CDYL2: variants seen among roughly 807,000 people sequenced by gnomAD.
CDYL2 encodes chromodomain Y-like protein 2.
CDYL2 carries 23 observed loss-of-function variants against 49.4 expected under a neutral mutation model. The observed-to-expected ratio is 0.47, with a 90% CI of 0.34 to 0.66. CDYL2 has a LOEUF of 0.66. Ranked by LOEUF, CDYL2 falls within the 30% of genes least tolerant of loss-of-function variation. The probability of loss-of-function intolerance (pLI) is 0.01; values close to 1 mark genes in which losing one functional copy is unlikely to be tolerated. For synonymous variants in CDYL2, 360 were observed against 268.8 expected (o/e 1.34, Z -3.32); for missense variants, 678 against 656.4 (o/e 1.03, Z -0.36).
intron 1 of CDYL2, among the ~76,000 whole-genome samples, chr16:80,744,115 C>G (rs534542329): frequency 1.3e-5 from 2 of 152,140 alleles, no homozygotes; most frequent in Non-Finnish European, 2.9e-5. Context: ...AACTGAAGCA[C>G]AGAGAAGTTA....
chr16:80,736,037 G>C (rs1339691544), intron 1 of CDYL2, among the ~76,000 whole-genome samples: 1 of 152,194 alleles, frequency 6.6e-6, no homozygotes, highest in Non-Finnish European at 1.5e-5. Context: ...TTCCCAGCTT[G>C]TCCTCAGTAA....
Position 80,706,902 on chromosome 16 carries a change from G to A in CDYL2, c.25-21773C>T, listed in dbSNP as rs189857317. ...TGGCTCTTCAGTTACACGGCCAACT[G>A]ACTCAGGTCAATCACACCTACAGAC... On this transcript the variant is annotated intron_variant, in intron 1 of 6. Coordinates refer to ENST00000570137, the MANE Select transcript of CDYL2 (RefSeq NM_152342.4). Among the ~76,000 whole-genome samples, 197 of 152,288 alleles carry A rather than the reference G, an allele frequency of 1.3e-3. 1 individual carries two copies. Among genetic ancestry groups the A allele is most frequent in the African/African-American group, 4.5e-3 (189 of 41,582 alleles).
chr16:80,746,874 T>TA (rs1905951109), intron 1 of CDYL2, among the ~76,000 whole-genome samples: 1 of 152,170 alleles, frequency 6.6e-6, no homozygotes, highest in Admixed American at 6.5e-5. Flanking sequence ...AGACTTCACT[T>TA]AAAGTCCAGA....
chr16:80,633,258 T>C (rs754886867), intron 2 of CDYL2, 22 bp from the exon 3 acceptor site: 4 of 1,601,572 alleles, frequency 2.5e-6, no homozygotes, highest in Non-Finnish European at 1.7e-6. Flanking sequence ...AGATAAACAA[T>C]GTAAGAAACT....
At chr16:80,711,776 C>G (rs1175155466) in intron 1 of CDYL2, among the ~76,000 whole-genome samples, 1 of 152,094 alleles carries the variant, frequency 6.6e-6, no homozygotes, top group Non-Finnish European at 1.5e-5. Flanking sequence ...CATAGTGTTT[C>G]AAGGGACACT....
At chr16:80,705,757 A>C (rs541503871) in intron 1 of CDYL2, among the ~76,000 whole-genome samples, 21 of 152,280 alleles carry the variant, frequency 1.4e-4, no homozygotes, top group Non-Finnish European at 2.1e-4. Context: ...ACACAGCCAC[A>C]GACAATACAT....
At chr16:80,798,897 T>C (rs1456262181) in intron 1 of CDYL2, among the ~76,000 whole-genome samples, 2 of 152,172 alleles carry the variant, frequency 1.3e-5, no homozygotes, top group East Asian at 3.8e-4. Context: ...AGATGTCCGA[T>C]AACAGGGGAT....
chr16:80,761,676 T>TGAAAGCCCTA (rs144259017), intron 1 of CDYL2, among the ~76,000 whole-genome samples: 3,514 of 152,166 alleles, frequency 0.023, 102 homozygotes, highest in African/African-American at 0.072. Flanking sequence ...GACTTAGATG[T>TGAAAGCCCTA]GAAAGCCCTA....
intron 1 of CDYL2, among the ~76,000 whole-genome samples, chr16:80,754,022 A>G (rs1216413415): frequency 6.6e-6 from 1 of 152,220 alleles, no homozygotes; most frequent in Non-Finnish European, 1.5e-5. Flanking sequence ...TACTGTACAT[A>G]AGGCCCTATG....
In CDYL2 at chr16:80,643,089, T is replaced by C. The variant is rs559799134; in HGVS notation, c.617-9853A>G. Among the ~76,000 whole-genome samples, 4 of 152,280 alleles carry C rather than the reference T, an allele frequency of 2.6e-5. No individual in the cohort carries two copies. The South Asian group carries it at 8.3e-4, about 32-fold the overall frequency. ...GTAAAATCAAAAGCAAGCTAGTTACTTCCCAGACACAAGGGGGGTACAGGT... is the reference window on the plus strand; with the variant it reads ...GTAAAATCAAAAGCAAGCTAGTTACCTCCCAGACACAAGGGGGGTACAGGT... On this transcript the variant is annotated intron_variant, in intron 2 of 6. Coordinates refer to ENST00000570137, the MANE Select transcript of CDYL2 (RefSeq NM_152342.4).
At chr16:80,742,709 G>C (rs1905786526) in intron 1 of CDYL2, among the ~76,000 whole-genome samples, 1 of 151,674 alleles carries the variant, frequency 6.6e-6, no homozygotes, top group South Asian at 2.1e-4. Context: ...TGGATGAAGA[G>C]ATGTATGGAT....
chr16:80,618,001 T>C (rs900374713), intron 4 of CDYL2, among the ~76,000 whole-genome samples: 2 of 152,186 alleles, frequency 1.3e-5, no homozygotes, highest in Admixed American at 6.5e-5. Context: ...GTCTTGGGAA[T>C]GCTCCCTTGG....
chr16:80,804,490 CGCGACCCG>C lies in CDYL2; in HGVS notation c.-325_-318del, dbSNP rs974514962. Reference sequence around the variant, plus strand: ...GACGCGGCCCGAGCGCCGCGGCCCCCGCGACCCGGCGACCCGGCGGCGGTGGCTGCAGC... The same window carrying C: ...GACGCGGCCCGAGCGCCGCGGCCCCCGCGACCCGGCGGCGGTGGCTGCAGC... On this transcript the variant is annotated 5_prime_UTR_variant, in exon 1 of 7. Transcript: ENST00000570137. 1.4e-5 allele frequency among the ~76,000 whole-genome samples: 2 copies of C among 144,598 alleles called. No individual in the cohort carries two copies. The highest frequency in any genetic ancestry group is 6.8e-5 in the Admixed American group (1 of 14,640). The allele number at this position is 144,598 out of a possible 152,430, so 94.9% of individuals were successfully genotyped here. A position where few individuals can be genotyped will look rare whatever the true frequency, so the allele number is the denominator to read the frequency against.
chr16:80,635,262 C>G (rs13335334), intron 2 of CDYL2, among the ~76,000 whole-genome samples: 8,907 of 152,084 alleles, frequency 0.059, 786 homozygotes, highest in African/African-American at 0.2. Context: ...TAGAAAGGGA[C>G]TTCCTAGTCC....
chr16:80,620,670 T>C (rs1907038720), intron 4 of CDYL2, 93 bp downstream of exon 4: 2 of 1,194,992 alleles, frequency 1.7e-6, no homozygotes, highest in Admixed American at 5.9e-5. Context: ...AAATTCCTGG[T>C]TGTTTGAAAT....
At chr16:80,721,612 G>A (rs751084510) in intron 1 of CDYL2, among the ~76,000 whole-genome samples, 1 of 152,142 alleles carries the variant, frequency 6.6e-6, no homozygotes, top group East Asian at 1.9e-4. Flanking sequence ...TTTATATCTA[G>A]CACGTGATCC....
At chr16:80,731,516 C>G (rs767925329) in intron 1 of CDYL2, among the ~76,000 whole-genome samples, 1 of 151,950 alleles carries the variant, frequency 6.6e-6, no homozygotes, top group Non-Finnish European at 1.5e-5. Context: ...ACACAATGAC[C>G]AAAAATAGGC....
chr16:80,650,189 G>A (rs569453542), intron 2 of CDYL2, among the ~76,000 whole-genome samples: 2 of 152,294 alleles, frequency 1.3e-5, no homozygotes, highest in South Asian at 4.1e-4. Flanking sequence ...ACAAGCCACA[G>A]AATGGGAGAA....
At chr16:80,708,866 TTATTATAAAG>T (rs1458493607) in intron 1 of CDYL2, among the ~76,000 whole-genome samples, 3 of 152,212 alleles carry the variant, frequency 2.0e-5, no homozygotes, top group African/African-American at 4.8e-5. Flanking sequence ...GATGAAATCT[TTATTATAAAG>T]TTGCTGCAAT....
Sources: gnomAD v4.1 joint callset for allele counts (sites outside exome capture counted in the v4.1 genomes callset) on GRCh38, gnomAD v4.1.1 for gene constraint, MANE v1.5 for transcripts, NCBI Gene and HGNC (gene_info 2026-07-23, HGNC 2026-07-21) for gene names.